Variants in MRPL44 observed in about 807,000 individuals in gnomAD.
MRPL44 encodes large ribosomal subunit protein mL44.
In MRPL44, 21 loss-of-function variants were observed where a neutral mutation model predicts 25.9. The ratio of observed to expected loss-of-function variants is 0.81; its 90% CI spans 0.58 to 1.17. The LOEUF is 1.17. Ranked by LOEUF, MRPL44 falls within the 50% of genes most tolerant of loss-of-function variation. The probability of loss-of-function intolerance (pLI) is 0.00; values close to 1 mark genes in which losing one functional copy is unlikely to be tolerated. For synonymous variants in MRPL44, 169 were observed against 151.0 expected (o/e 1.12, Z -0.87); for missense variants, 410 against 398.9 (o/e 1.03, Z -0.24).
chr2:223,966,951 G>A lies in MRPL44; in HGVS notation c.916G>A (p.Gly306Arg). Reference sequence around the variant, plus strand: ...TCGAGTGGCCCTTAGAAAACTTTATGGATTCACAGAAAATAGACGGCCGTG... The same window carrying A: ...TCGAGTGGCCCTTAGAAAACTTTATAGATTCACAGAAAATAGACGGCCGTG... ...AARVALRKLY[G>R]FTENRRPWNY... is the part of the protein sequence containing the mutation. Residue 306 changes from glycine to arginine, a missense_variant, in exon 4 of 4, where the codon GGA (glycine) becomes AGA (arginine). By Grantham distance (125) the Gly-to-Arg change is moderately radical. Coordinates refer to ENST00000258383, the MANE Select transcript of MRPL44 (RefSeq NM_022915.5). 6.2e-7 allele frequency: 1 copy of A among 1,614,140 alleles called. No homozygotes were observed. Among genetic ancestry groups the A allele is most frequent in the Non-Finnish European group, 8.5e-7 (1 of 1,180,038 alleles).
At chr2:223,966,269 C>T (rs1448537133) in intron 3 of MRPL44, among the ~76,000 whole-genome samples, 1 of 151,892 alleles carries the variant, frequency 6.6e-6, no homozygotes, top group Non-Finnish European at 1.5e-5. Flanking sequence ...GCCATCATGC[C>T]CAGCCTAAAG....
At chr2:223,965,231 CTT>C (rs1689723160) in intron 3 of MRPL44, among the ~76,000 whole-genome samples, 2 of 152,140 alleles carry the variant, frequency 1.3e-5, no homozygotes, top group Admixed American at 6.5e-5. Flanking sequence ...GATTCTCAAA[CTT>C]TGTGCAAATT....
intron 3 of MRPL44, among the ~76,000 whole-genome samples, chr2:223,964,552 C>T (rs552072028): frequency 6.6e-6 from 1 of 152,204 alleles, no homozygotes; most frequent in Non-Finnish European, 1.5e-5. Flanking sequence ...GAAGTTACCA[C>T]ATGGGGAAAA....
At chr2:223,965,198 T>C (rs185165921) in intron 3 of MRPL44, among the ~76,000 whole-genome samples, 3 of 152,348 alleles carry the variant, frequency 2.0e-5, no homozygotes, top group East Asian at 1.9e-4. Context: ...GTGCTTGTTA[T>C]TCACTTCAAG....
intron 2 of MRPL44, 136 bp downstream of exon 2, chr2:223,960,138 A>G (rs867102319): frequency 1.1e-4 from 72 of 640,792 alleles, no homozygotes; most frequent in African/African-American, 1.1e-3. Flanking sequence ...AAGGTTTTTT[A>G]TGGAAGGGCT....
At position 223,959,935 on chromosome 2, in the gene MRPL44, C is replaced by A. The variant is rs772740644; in HGVS notation, c.581C>A (p.Thr194Asn). ...FPVPPAVLQQ[T>N]FFAVIGALLQ... ...GTGCCCCCAGCTGTGTTACAGCAGA[C>A]TTTCTTTGCAGTTATTGGAGCCCTG... The change falls in exon 2 of 4, where the codon ACT (threonine) becomes AAT (asparagine). Residue 194 changes from threonine (T) to asparagine (N), a missense_variant. Physicochemically the swap from Thr to Asn is moderately conservative, Grantham distance 65. Coordinates refer to ENST00000258383, the MANE Select transcript of MRPL44 (RefSeq NM_022915.5). The A allele has an allele frequency of 2.0e-5, 33 of 1,614,188 alleles. No individual in the cohort carries two copies. Among genetic ancestry groups the A allele is most frequent in the Non-Finnish European group, 2.8e-5 (33 of 1,180,034 alleles).
At chr2:223,959,010 G>T (rs1187003772) in intron 1 of MRPL44, among the ~76,000 whole-genome samples, 2 of 152,140 alleles carry the variant, frequency 1.3e-5, no homozygotes, top group African/African-American at 4.8e-5. Flanking sequence ...AAGCACAATA[G>T]ACCGAAGTAC....
At chr2:223,960,049 A>G in intron 2 of MRPL44, 47 bp downstream of exon 2, 8 of 1,422,620 alleles carry the variant, frequency 5.6e-6, no homozygotes, top group Non-Finnish European at 7.7e-6. Context: ...AGAAGGGAAA[A>G]TATTCTTTTG....
rs140294613 is a variant in MRPL44 at position 223,957,506 on chromosome 2, G to A, written c.34G>A (p.Gly12Arg). ...CGGGCTGGTAAGATTGCTGCAGCAG[G>A]GACATCGCTGCCTCCTGGCTCCAGT... is the stretch of plus-strand genomic sequence containing the variant. Reference protein sequence around the residue: ...ASGLVRLLQQGHRCLLAPVAP... With the variant: ...ASGLVRLLQQRHRCLLAPVAP... The change falls in exon 1 of 4, where the codon GGA (glycine) becomes AGA (arginine). Residue 12 changes from glycine (G) to arginine (R), a missense_variant. Physicochemically the swap from Gly to Arg is moderately radical, Grantham distance 125. Transcript: ENST00000258383. The A allele has an allele frequency of 1.5e-4, 244 of 1,614,028 alleles. No homozygotes were observed. Among genetic ancestry groups the A allele is most frequent in the Non-Finnish European group, 1.9e-4 (219 of 1,180,038 alleles).
chr2:223,956,085 A>G (rs913717014), upstream of MRPL44, among the ~76,000 whole-genome samples: 5 of 152,240 alleles, frequency 3.3e-5, no homozygotes, highest in Admixed American at 2.0e-4. Context: ...ATGAAATTCT[A>G]CAGAAATGAC....
At chr2:223,953,816 C>CA (rs1332971716), upstream of MRPL44, among the ~76,000 whole-genome samples, 1 of 152,210 alleles carries the variant, frequency 6.6e-6, no homozygotes, top group African/African-American at 2.4e-5. Flanking sequence ...ACCACTTTTA[C>CA]AATGCTTTAT....
rs566089901 is a variant in MRPL44, at chr2:223,959,424, T to A, written c.180-110T>A. Reference sequence around the variant, plus strand: ...CCTGGCATTAAAAAGAAATATAACCTTCTTTCATTTCCTTTATATAATTAA... The same window carrying A: ...CCTGGCATTAAAAAGAAATATAACCATCTTTCATTTCCTTTATATAATTAA... On this transcript the variant is annotated intron_variant, in intron 1 of 3. Coordinates refer to ENST00000258383, the MANE Select transcript of MRPL44 (RefSeq NM_022915.5). The A allele has an allele frequency of 2.1e-4, 180 of 855,046 alleles. No homozygotes were observed. In the African/African-American group the frequency reaches 2.8e-3, roughly 13 times the overall value. The allele number at this position is 855,046 out of a possible 1,614,324, so 53.0% of individuals were successfully genotyped here.
Position 223,966,900 on chromosome 2 carries a change from G to T in MRPL44, c.865G>T (p.Val289Leu), listed in dbSNP as rs761112539. 6.2e-7 allele frequency: 1 copy of T among 1,614,150 alleles called. No individual in the cohort carries two copies. The highest frequency in any genetic ancestry group is 1.1e-5 in the South Asian group (1 of 91,080). ...GATTGCAGAAGGACCTGGGGAAACA[G>T]TATTGGTTGCAGAAGAAGAGGCTGC... The part of the protein sequence containing the change: ...KLIAEGPGET[V>L]LVAEEEAARV... Residue 289 changes from valine to leucine, a missense_variant, in exon 4 of 4, where the codon GTA becomes TTA. Physicochemically the swap from Val to Leu is conservative, Grantham distance 32. Transcript: ENST00000258383.
chr2:223,966,968 A>T lies in MRPL44; in HGVS notation c.933A>T (p.Arg311Ser). 1.2e-6 allele frequency: 2 copies of T among 1,614,108 alleles called. No individual in the cohort carries two copies. The highest frequency in any genetic ancestry group is 1.7e-6 in the Non-Finnish European group (2 of 1,179,982). ...LRKLYGFTEN[R>S]RPWNYSKPKE... ...AACTTTATGGATTCACAGAAAATAG[A>T]CGGCCGTGGAACTATTCCAAGCCCA... The change falls in exon 4 of 4, where the codon AGA becomes AGT. Residue 311 changes from arginine (R) to serine (S), a missense_variant. Transcript: ENST00000258383.
At chr2:223,951,478 GTTT>G in the MRPL44 span, among the ~76,000 whole-genome samples, 1,240 of 112,540 alleles carry the variant, frequency 0.011, 45 homozygotes, top group African/African-American at 0.04. Context: ...TTACCTTGGA[GTTT>G]TTTTTTTTTT....
chr2:223,964,066 A>G (rs1169627080), intron 3 of MRPL44, 132 bp downstream of exon 3: 11 of 642,674 alleles, frequency 1.7e-5, no homozygotes, highest in Non-Finnish European at 2.5e-5. Flanking sequence ...CCTTAACGTA[A>G]CTTCTAATTG....
chr2:223,957,416 T>C, upstream of MRPL44: 1 of 1,603,530 alleles, frequency 6.2e-7, no homozygotes, highest in Non-Finnish European at 8.5e-7. Context: ...GGAAGTGTGT[T>C]ACGGGGACAC....
chr2:223,958,150 T>C (rs536875648), intron 1 of MRPL44, among the ~76,000 whole-genome samples: 1 of 152,390 alleles, frequency 6.6e-6, no homozygotes, highest in East Asian at 1.9e-4. Flanking sequence ...CAGGTTTTTA[T>C]AGCTTCAAAC....
rs574284827 is a variant in MRPL44, at chr2:223,967,113, A to G, written c.*79A>G. 4.7e-4 allele frequency: 619 copies of G among 1,318,280 alleles called. No homozygotes were observed. Among genetic ancestry groups the G allele is most frequent in the Non-Finnish European group, 6.1e-4 (596 of 973,242 alleles). 81.7% of individuals were successfully genotyped at this position (1,318,280 alleles called of 1,614,324 possible). Reference sequence around the variant, plus strand: ...AAGGTGTTTCAAGCCAGACATTTTCACAATTGTGAAGAAATAGATGTTTTG... The same window carrying G: ...AAGGTGTTTCAAGCCAGACATTTTCGCAATTGTGAAGAAATAGATGTTTTG... On this transcript the variant is annotated 3_prime_UTR_variant, in exon 4 of 4. Transcript: ENST00000258383.
Sources: gnomAD v4.1 joint callset for allele counts (sites outside exome capture counted in the v4.1 genomes callset) on GRCh38, gnomAD v4.1.1 for gene constraint, MANE v1.5 for transcripts, NCBI Gene and HGNC (gene_info 2026-07-23, HGNC 2026-07-21) for gene names.